TAFA5: variants seen among roughly 807,000 people sequenced by gnomAD.
TAFA5 encodes TAFA chemokine like family member 5.
In TAFA5, 6 loss-of-function variants were observed where a neutral mutation model predicts 15.3. The ratio of observed to expected loss-of-function variants is 0.39; its 90% CI spans 0.21 to 0.77. The LOEUF is 0.77. TAFA5 is among the 30% of genes least tolerant of loss of function. The pLI, the probability that TAFA5 is intolerant of heterozygous loss-of-function variation, is 0.41. For missense variants in TAFA5, 161 were observed against 193.1 expected, an observed-to-expected ratio of 0.83 and a Z score of 0.98; for synonymous variants, 103 against 80.7, an observed-to-expected ratio of 1.28 and a Z score of -1.48.
In TAFA5 at chr22:48,660,683, G is replaced by A. The variant is rs7284425; in HGVS notation, c.262+13937G>A. Among the ~76,000 whole-genome samples the A allele has an allele frequency of 5.1e-3, 774 of 152,318 alleles. 10 individuals carry two copies. The highest frequency in any genetic ancestry group is 0.018 in the African/African-American group (736 of 41,580). The stretch of plus-strand genomic sequence containing the variant: ...GACTGGAGCTGCGGAGGGTGTGCTG[G>A]GATCGCCCCACTGGGCTCCGCCCTG... On this transcript the variant is annotated intron_variant, in intron 2 of 3. Transcript: ENST00000402357.
intron 1 of TAFA5, among the ~76,000 whole-genome samples, chr22:48,584,281 A>G (rs1227411056): frequency 2.2e-5 from 2 of 88,892 alleles, no homozygotes; most frequent in Non-Finnish European, 5.2e-5. Context: ...ACACACACAC[A>G]CACCACACAC....
intron 2 of TAFA5, among the ~76,000 whole-genome samples, chr22:48,674,716 G>A (rs1441335817): frequency 6.6e-6 from 1 of 152,108 alleles, no homozygotes; most frequent in African/African-American, 2.4e-5. Context: ...GAGACGCCGT[G>A]GGGAGGGGGG....
intron 3 of TAFA5, among the ~76,000 whole-genome samples, chr22:48,708,105 GT>G (rs1929139412): frequency 6.6e-6 from 1 of 152,172 alleles, no homozygotes; most frequent in African/African-American, 2.4e-5. Flanking sequence ...CAGCCCAGAA[GT>G]CAGATCACTG....
intron 1 of TAFA5, among the ~76,000 whole-genome samples, chr22:48,536,201 C>T (rs946465444): frequency 1.6e-4 from 25 of 152,268 alleles, no homozygotes; most frequent in Non-Finnish European, 2.9e-5. Context: ...CACACACACA[C>T]GTTTCCATTA....
intron 1 of TAFA5, among the ~76,000 whole-genome samples, chr22:48,549,793 T>C (rs970901264): frequency 7.2e-5 from 11 of 152,138 alleles, no homozygotes; most frequent in Admixed American, 6.5e-4. Flanking sequence ...ACTGTGCACA[T>C]TGAGGACAAG....
Position 48,489,884 on chromosome 22 carries a change from G to C in TAFA5, c.112+180G>C, listed in dbSNP as rs1237452032. Among the ~76,000 whole-genome samples the C allele has an allele frequency of 6.6e-6, 1 of 151,796 alleles. No individual in the cohort carries two copies. Among genetic ancestry groups the C allele is most frequent in the Non-Finnish European group, 1.5e-5 (1 of 67,934 alleles). ...GCTGGGCGGGCGAGAGGGTCCACCCGGGTTCCGGGCGCTCGAGCACTTCGG... is the reference window on the plus strand; with the variant it reads ...GCTGGGCGGGCGAGAGGGTCCACCCCGGTTCCGGGCGCTCGAGCACTTCGG... On this transcript the variant is annotated intron_variant, in intron 1 of 3. Transcript: ENST00000402357. This position sits in a 1 kb window ranked among gnomAD's most constrained non-coding sequence, Gnocchi z 5.5.
chr22:48,662,218 G>A lies in TAFA5; in HGVS notation c.262+15472G>A, dbSNP rs75361126. ...CGGGAGGAGCTCACAGGAACATGGC[G>A]GGAGCACAAGGCTTGGAGGTTGGCA... On this transcript the variant is annotated intron_variant, in intron 2 of 3. Coordinates refer to ENST00000402357, the MANE Select transcript of TAFA5 (RefSeq NM_001082967.3). 2.3e-3 allele frequency among the ~76,000 whole-genome samples: 351 copies of A among 152,234 alleles called. 7 individuals carry two copies. In the East Asian group the frequency reaches 0.052, roughly 22 times the overall value.
chr22:48,716,467 A>T (rs553349967), intron 3 of TAFA5, among the ~76,000 whole-genome samples: 1 of 152,326 alleles, frequency 6.6e-6, no homozygotes, highest in East Asian at 1.9e-4. Context: ...GAGTTGAACA[A>T]TGAGAACACA....
intron 3 of TAFA5, among the ~76,000 whole-genome samples, chr22:48,747,800 G>A (rs972578782): frequency 4.6e-5 from 7 of 151,850 alleles, no homozygotes; most frequent in Admixed American, 4.6e-4. Context: ...AGGAGGCTGA[G>A]GCAGGAGGAT....
chr22:48,701,211 G>T (rs1322297510), intron 2 of TAFA5, among the ~76,000 whole-genome samples: 1 of 152,038 alleles, frequency 6.6e-6, no homozygotes, highest in African/African-American at 2.4e-5. Context: ...GCCCCTGTCT[G>T]CAGAGATGAC....
intron 1 of TAFA5, among the ~76,000 whole-genome samples, chr22:48,623,216 T>C (rs984281483): frequency 1.8e-4 from 27 of 151,860 alleles, no homozygotes; most frequent in Non-Finnish European, 1.5e-4. Flanking sequence ...TGCGTGGCCC[T>C]GCGCGGTGAC....
chr22:48,693,372 G>A (rs1418429962), intron 2 of TAFA5: 4 of 1,612,562 alleles, frequency 2.5e-6, no homozygotes. Flanking sequence ...CCACCACCGG[G>A]AATGGCCAGG....
At position 48,663,068 on chromosome 22, in the gene TAFA5, G is replaced by A. The variant is rs954997171; in HGVS notation, c.262+16322G>A. ...GGGGATGCTTGGGATGCTCCGGGAC[G>A]CAGGGTGGCTGGATGAGCAGGGTGC... On this transcript the variant is annotated intron_variant, in intron 2 of 3. Coordinates refer to ENST00000402357, the MANE Select transcript of TAFA5 (RefSeq NM_001082967.3). Among the ~76,000 whole-genome samples the A allele has an allele frequency of 6.7e-4, 101 of 150,802 alleles. 1 individual carries two copies. Among genetic ancestry groups the A allele is most frequent in the African/African-American group, 2.4e-3 (100 of 40,946 alleles).
Position 48,599,321 on chromosome 22 carries a change from C to T in TAFA5, c.113-47276C>T, listed in dbSNP as rs114440520. 8.0e-3 allele frequency among the ~76,000 whole-genome samples: 1,222 copies of T among 152,326 alleles called. 19 individuals carry two copies. The highest frequency in any genetic ancestry group is 0.027 in the African/African-American group (1,126 of 41,570). On this transcript the variant is annotated intron_variant, in intron 1 of 3. Transcript: ENST00000402357. Reference sequence around the variant, plus strand: ...CTGGCCTTCAGTCCGCTCCGTAACACGCAGAAGACACTTTCCACTCTGGAG... The same window carrying T: ...CTGGCCTTCAGTCCGCTCCGTAACATGCAGAAGACACTTTCCACTCTGGAG...
At chr22:48,623,060 C>G (rs13056379) in intron 1 of TAFA5, among the ~76,000 whole-genome samples, 1 of 152,158 alleles carries the variant, frequency 6.6e-6, no homozygotes, top group African/African-American at 2.4e-5. Context: ...CAGAAGAGGG[C>G]GAGCTCGGCC....
intron 3 of TAFA5, among the ~76,000 whole-genome samples, chr22:48,734,997 G>A (rs1184027611): frequency 6.6e-6 from 1 of 152,238 alleles, no homozygotes; most frequent in Non-Finnish European, 1.5e-5. Context: ...GAAGAACGCT[G>A]CGATTGTAAA....
intron 1 of TAFA5, among the ~76,000 whole-genome samples, chr22:48,643,296 C>T (rs1265307889): frequency 2.0e-5 from 3 of 152,216 alleles, no homozygotes; most frequent in Admixed American, 2.0e-4. Flanking sequence ...CCTGATGCCT[C>T]CTCTGGGAAG....
chr22:48,525,564 A>G (rs755779820), intron 1 of TAFA5, among the ~76,000 whole-genome samples: 2 of 151,808 alleles, frequency 1.3e-5, no homozygotes, highest in Non-Finnish European at 2.9e-5. Context: ...GCCCAGGTCC[A>G]CCCTCTGCCT....
chr22:48,512,572 G>C (rs1349280432), intron 1 of TAFA5, among the ~76,000 whole-genome samples: 1 of 151,556 alleles, frequency 6.6e-6, no homozygotes, highest in Non-Finnish European at 1.5e-5. Context: ...CACACCACTG[G>C]CTGAGATCAC....
Sources: gnomAD v4.1 joint callset for allele counts (sites outside exome capture counted in the v4.1 genomes callset) on GRCh38, gnomAD v4.1.1 for gene constraint, Gnocchi (gnomAD v3.1) non-coding constraint, MANE v1.5 for transcripts, NCBI Gene and HGNC (gene_info 2026-07-23, HGNC 2026-07-21) for gene names.